The following PHF20L1 variants were observed in gnomAD, a reference collection of about 807,000 sequenced individuals.
PHF20L1 encodes PHD finger protein 20 like 1.
In PHF20L1, 44 loss-of-function variants were observed where a neutral mutation model predicts 125.5. The observed-to-expected ratio is 0.35, with a 90% CI of 0.28 to 0.45. The LOEUF (loss-of-function observed/expected upper bound fraction) is 0.45. PHF20L1 is among the 20% of genes least tolerant of loss of function. PHF20L1 has a pLI of 1.00. For synonymous variants in PHF20L1, 380 were observed against 403.1 expected (o/e 0.94, Z 0.69); for missense variants, 1,012 against 1,217.2 (o/e 0.83, Z 2.51).
At chr8:132,784,022 A>G (rs1830724464) in intron 2 of PHF20L1, among the ~76,000 whole-genome samples, 1 of 152,166 alleles carries the variant, frequency 6.6e-6, no homozygotes, top group East Asian at 1.9e-4. Flanking sequence ...CCAGTGCACA[A>G]ACATTTTACT....
At chr8:132,837,875 TG>T in intron 17 of PHF20L1, 64 bp downstream of exon 17, 2 of 1,121,138 alleles carry the variant, frequency 1.8e-6, no homozygotes, top group Non-Finnish European at 2.7e-6. Flanking sequence ...GATTCCAGAG[TG>T]TATCAGCTGT....
rs112329480 is a variant in PHF20L1, at chr8:132,794,289, C to A, written c.84-121C>A. On this transcript the variant is annotated intron_variant, in intron 2 of 20. Coordinates refer to ENST00000395386, the MANE Select transcript of PHF20L1 (RefSeq NM_016018.5). ...TTTTTGGTTAGTTTTAAAATATGGA[C>A]GTATTTATTGTTTTCTTCATGGTTT... 4.3e-4 allele frequency: 252 copies of A among 582,442 alleles called. 2 individuals are homozygous for A. Among genetic ancestry groups the A allele is most frequent in the African/African-American group, 4.3e-3 (229 of 53,268 alleles). The allele number at this position is 582,442 out of a possible 1,614,324, so 36.1% of individuals were successfully genotyped here. A position where few individuals can be genotyped will look rare whatever the true frequency, so the allele number is the denominator to read the frequency against.
At chr8:132,845,555 G>A (rs1258968995) in intron 20 of PHF20L1, among the ~76,000 whole-genome samples, 1 of 151,854 alleles carries the variant, frequency 6.6e-6, no homozygotes, top group African/African-American at 2.4e-5. Flanking sequence ...TATATAAAGG[G>A]GAAAATTATC....
chr8:132,836,346 T>A, intron 15 of PHF20L1, 194 bp from the exon 16 acceptor site: 1 of 485,752 alleles, frequency 2.1e-6, no homozygotes, highest in Non-Finnish European at 3.6e-6. Flanking sequence ...TATAAAGCAG[T>A]CATAATTACC....
At chr8:132,790,481 T>C (rs562197067) in intron 2 of PHF20L1, among the ~76,000 whole-genome samples, 5 of 152,316 alleles carry the variant, frequency 3.3e-5, no homozygotes, top group African/African-American at 1.2e-4. Context: ...GAATAAAGGA[T>C]TGTTTCATTA....
chr8:132,835,993 C>CA (rs773659944), intron 15 of PHF20L1, among the ~76,000 whole-genome samples: 1 of 151,584 alleles, frequency 6.6e-6, no homozygotes, highest in Non-Finnish European at 1.5e-5. Context: ...CTTTACAATT[C>CA]AGAGTTTTTT....
At chr8:132,825,576 C>G (rs1836084888) in intron 14 of PHF20L1, among the ~76,000 whole-genome samples, 1 of 151,946 alleles carries the variant, frequency 6.6e-6, no homozygotes, top group South Asian at 2.1e-4. Context: ...GCACTCTGGC[C>G]TTTAATTGTT....
intron 12 of PHF20L1, among the ~76,000 whole-genome samples, chr8:132,823,763 G>A (rs914524680): frequency 6.6e-6 from 1 of 151,816 alleles, no homozygotes; most frequent in Non-Finnish European, 1.5e-5. Flanking sequence ...AGTAAGTGGT[G>A]GAACCAGATG....
chr8:132,801,714 C>T (rs977519283), intron 6 of PHF20L1, among the ~76,000 whole-genome samples: 1 of 151,592 alleles, frequency 6.6e-6, no homozygotes, highest in African/African-American at 2.4e-5. Context: ...CAAAATTTCA[C>T]ATGTATCCCA....
intron 20 of PHF20L1, among the ~76,000 whole-genome samples, chr8:132,845,200 C>T (rs1357029997): frequency 6.6e-6 from 1 of 152,056 alleles, no homozygotes; most frequent in African/African-American, 2.4e-5. Flanking sequence ...TTAATAAAAA[C>T]TATAGAATAT....
At chr8:132,819,726 A>G (rs1386485496) in intron 12 of PHF20L1, among the ~76,000 whole-genome samples, 3 of 151,586 alleles carry the variant, frequency 2.0e-5, no homozygotes, top group Non-Finnish European at 2.9e-5. Context: ...TCATACACAC[A>G]TGTATGTTTT....
At chr8:132,844,455 G>C (rs1838240797) in intron 20 of PHF20L1, 137 bp downstream of exon 20, 2 of 639,992 alleles carry the variant, frequency 3.1e-6, no homozygotes, top group Admixed American at 2.9e-5. Context: ...TACTCCCTTT[G>C]TATTGTATTT....
At chr8:132,832,702 A>AT (rs1216410697) in intron 15 of PHF20L1, among the ~76,000 whole-genome samples, 1 of 152,068 alleles carries the variant, frequency 6.6e-6, no homozygotes, top group Admixed American at 6.6e-5. Context: ...TTCACATTTG[A>AT]TATATAAACA....
rs1022235379 is a variant in PHF20L1, at chr8:132,811,042, C to T, written c.848-4C>T. The T allele has an allele frequency of 4.4e-6, 7 of 1,582,396 alleles. No homozygotes were observed. In the African/African-American group the frequency reaches 5.4e-5, roughly 12 times the overall value. On this transcript the variant is annotated splice_region_variant and splice_polypyrimidine_tract_variant and intron_variant, in intron 8 of 20. Coordinates refer to ENST00000395386, the MANE Select transcript of PHF20L1 (RefSeq NM_016018.5). ...TAAGCAATTTCTGTACAATTTTTCT[C>T]AAGGTTTGTTGGCATCCAAAGCTGT...
intron 4 of PHF20L1, among the ~76,000 whole-genome samples, chr8:132,797,248 G>A (rs1460416278): frequency 1.3e-5 from 2 of 152,136 alleles, no homozygotes; most frequent in South Asian, 2.1e-4. Flanking sequence ...ACAAAAATCA[G>A]AAGGGCAAAA....
intron 4 of PHF20L1, 105 bp from the exon 5 acceptor site, chr8:132,798,667 C>G: frequency 1.6e-6 from 1 of 643,008 alleles, no homozygotes; most frequent in Non-Finnish European, 2.6e-6. Flanking sequence ...GTAGTTTTTG[C>G]ATTCCTAAAG....
intron 12 of PHF20L1, among the ~76,000 whole-genome samples, chr8:132,821,237 G>T (rs1278092596): frequency 2.0e-5 from 3 of 151,796 alleles, no homozygotes; most frequent in Non-Finnish European, 4.4e-5. Context: ...TACTTACATA[G>T]ATACTATGAT....
In PHF20L1 at chr8:132,846,191, G is replaced by A. The variant is rs568173413; in HGVS notation, c.*268G>A. 112 of 263,570 alleles carry A rather than the reference G, an allele frequency of 4.2e-4. 1 individual carries two copies. Among genetic ancestry groups the A allele is most frequent in the Non-Finnish European group, 7.3e-4 (102 of 139,578 alleles). 16.3% of individuals were successfully genotyped at this position (263,570 alleles called of 1,614,324 possible). On this transcript the variant is annotated 3_prime_UTR_variant, in exon 21 of 21. Transcript: ENST00000395386. ...TGAAGTAGAATATAATGTATACTAA[G>A]GGATTTCAAGTTCTCAGAATTTTTG...
chr8:132,812,910 G>A, intron 9 of PHF20L1: 1 of 976,178 alleles, frequency 1.0e-6, no homozygotes, highest in Non-Finnish European at 1.2e-6. Context: ...TTCAAACTGT[G>A]GTCTTGAACC....
Sources: allele counts gnomAD v4.1 joint callset (sites outside exome capture counted in the v4.1 genomes callset), GRCh38; gene constraint gnomAD v4.1.1; transcripts MANE v1.5; gene names NCBI Gene and HGNC (gene_info 2026-07-23, HGNC 2026-07-21).